Variants in TOX observed in about 807,000 individuals in gnomAD.
The protein encoded by TOX is thymocyte selection-associated high mobility group box protein TOX.
TOX carries 11 observed loss-of-function variants against 53.7 expected under a neutral mutation model. The observed-to-expected ratio is 0.20, with a 90% CI of 0.13 to 0.34. The LOEUF (loss-of-function observed/expected upper bound fraction) is 0.34, where lower values mean the gene tolerates loss of function less well. Among genes scored for constraint, TOX ranks in the 10% least tolerant of loss-of-function variants. The pLI, the probability that TOX is intolerant of heterozygous loss-of-function variation, is 1.00. For missense variants in TOX, 570 were observed against 664.6 expected (o/e 0.86, Z 1.56); for synonymous variants, 225 against 245.3 (o/e 0.92, Z 0.77).
intron 3 of TOX, among the ~76,000 whole-genome samples, chr8:58,902,836 G>A (rs1332577404): frequency 1.3e-5 from 2 of 152,074 alleles, no homozygotes; most frequent in Non-Finnish European, 2.9e-5. Context: ...TGAAAATCTA[G>A]CAATTTTTTT....
At position 59,110,939 on chromosome 8, in the gene TOX, T is replaced by C. The variant is rs184253925; in HGVS notation, c.102+7947A>G. Among the ~76,000 whole-genome samples the C allele has an allele frequency of 2.7e-3, 414 of 152,302 alleles. 2 individuals carry two copies. The highest frequency in any genetic ancestry group is 8.0e-3 in the Admixed American group (123 of 15,302). On this transcript the variant is annotated intron_variant, in intron 1 of 8. Coordinates refer to ENST00000361421, the MANE Select transcript of TOX (RefSeq NM_014729.3). ...AGAAATGGGCTGAGAATGCAGTATTTTGCTGAATTCTTTGAATTTTTGAAC... is the reference window on the plus strand; with the variant it reads ...AGAAATGGGCTGAGAATGCAGTATTCTGCTGAATTCTTTGAATTTTTGAAC...
intron 4 of TOX, among the ~76,000 whole-genome samples, chr8:58,844,056 T>C (rs1164707302): frequency 6.6e-6 from 1 of 152,186 alleles, no homozygotes; most frequent in Admixed American, 6.5e-5. Flanking sequence ...GACCTTAATT[T>C]TGGATATTGT....
At chr8:58,823,462 G>T (rs1810314080) in intron 6 of TOX, among the ~76,000 whole-genome samples, 1 of 152,140 alleles carries the variant, frequency 6.6e-6, no homozygotes, top group Admixed American at 6.6e-5. Context: ...GACCTCAAGT[G>T]ATCTGCCTGC....
At chr8:59,042,050 T>C (rs1410752204) in intron 1 of TOX, among the ~76,000 whole-genome samples, 1 of 152,190 alleles carries the variant, frequency 6.6e-6, no homozygotes, top group Admixed American at 6.5e-5. Flanking sequence ...TATAGCGTAC[T>C]CCCTTTAATT....
chr8:58,901,700 T>C (rs1295539784), intron 3 of TOX, among the ~76,000 whole-genome samples: 1 of 152,152 alleles, frequency 6.6e-6, no homozygotes, highest in African/African-American at 2.4e-5. Context: ...TAGAGTAAAA[T>C]GTCTTGAAAT....
At chr8:58,900,834 T>C (rs890976289) in intron 3 of TOX, among the ~76,000 whole-genome samples, 1 of 152,172 alleles carries the variant, frequency 6.6e-6, no homozygotes, top group African/African-American at 2.4e-5. Context: ...AAAGATCATG[T>C]ATAGTTGGTA....
chr8:58,870,459 T>C (rs1481715414), intron 3 of TOX, among the ~76,000 whole-genome samples: 2 of 152,186 alleles, frequency 1.3e-5, no homozygotes, highest in Admixed American at 1.3e-4. Context: ...AAGATGTCAG[T>C]TCTTAACTTA....
intron 1 of TOX, among the ~76,000 whole-genome samples, chr8:59,050,264 A>G (rs1307630785): frequency 1.3e-5 from 2 of 152,180 alleles, no homozygotes; most frequent in Admixed American, 6.5e-5. Context: ...AACAGCTCCA[A>G]GTTGACAAAG....
intron 1 of TOX, among the ~76,000 whole-genome samples, chr8:59,024,463 C>A (rs1467638706): frequency 2.0e-5 from 3 of 152,112 alleles, no homozygotes; most frequent in East Asian, 1.9e-4. Flanking sequence ...GAAAATGGCC[C>A]CAGGCCTTTA....
At chr8:59,029,956 G>A (rs969884451) in intron 1 of TOX, among the ~76,000 whole-genome samples, 2 of 152,034 alleles carry the variant, frequency 1.3e-5, no homozygotes, top group Non-Finnish European at 2.9e-5. Flanking sequence ...GCTTCACAGG[G>A]TTTCTCTCAT....
chr8:58,829,389 T>C (rs1208311173), intron 5 of TOX, among the ~76,000 whole-genome samples: 1 of 152,174 alleles, frequency 6.6e-6, no homozygotes, highest in African/African-American at 2.4e-5. Context: ...CTATTGGCTA[T>C]TGATGATTGG....
At chr8:58,999,741 A>C (rs926772847) in intron 1 of TOX, among the ~76,000 whole-genome samples, 22 of 152,258 alleles carry the variant, frequency 1.4e-4, no homozygotes, top group Admixed American at 1.4e-3. Flanking sequence ...AGGAAGAGGT[A>C]TGGGGAGCTA....
chr8:58,996,807 G>T (rs1486700121), intron 1 of TOX, among the ~76,000 whole-genome samples: 1 of 152,128 alleles, frequency 6.6e-6, no homozygotes, highest in African/African-American at 2.4e-5. Flanking sequence ...AGTTTCCTTT[G>T]AAAAGACCAT....
rs137974191 is a variant in TOX, at chr8:58,909,529, C to A, written c.411+29773G>T. On this transcript the variant is annotated intron_variant, in intron 3 of 8. Transcript: ENST00000361421. ...AAAAAAGTTAATTCTGTACCAGTAA[C>A]CTAGGCCTAACCTCCCACACCTGAT... Among the ~76,000 whole-genome samples, 152 of 152,232 alleles carry A rather than the reference C, an allele frequency of 1.0e-3. 2 individuals carry two copies. The East Asian group carries it at 0.025, about 25-fold the overall frequency.
intron 1 of TOX, among the ~76,000 whole-genome samples, chr8:59,064,832 A>T (rs1207475250): frequency 6.6e-6 from 1 of 152,170 alleles, no homozygotes; most frequent in Non-Finnish European, 1.5e-5. Flanking sequence ...AATGTATGTC[A>T]ATTTAGCATA....
At chr8:58,822,544 C>G (rs1275033502) in intron 6 of TOX, among the ~76,000 whole-genome samples, 1 of 152,148 alleles carries the variant, frequency 6.6e-6, no homozygotes, top group African/African-American at 2.4e-5. Flanking sequence ...AGCTGAGGTA[C>G]CCACCCAGCT....
At chr8:59,025,859 C>T (rs1331863154) in intron 1 of TOX, among the ~76,000 whole-genome samples, 2 of 152,156 alleles carry the variant, frequency 1.3e-5, no homozygotes. Context: ...GGGGACTCAT[C>T]AAGGACCAGG....
At chr8:58,876,172 G>A (rs1811280114) in intron 3 of TOX, among the ~76,000 whole-genome samples, 1 of 151,504 alleles carries the variant, frequency 6.6e-6, no homozygotes, top group African/African-American at 2.4e-5. Context: ...TTTTTTAAGA[G>A]AAGATTCTGA....
In TOX at chr8:59,060,629, AAAAC is replaced by A. The variant is rs200698883; in HGVS notation, c.102+58253_102+58256del. Among the ~76,000 whole-genome samples the A allele has an allele frequency of 4.0e-4, 61 of 152,320 alleles. 1 individual carries two copies. The highest frequency in any genetic ancestry group is 2.5e-3 in the South Asian group (12 of 4,820). On this transcript the variant is annotated intron_variant, in intron 1 of 8. Coordinates refer to ENST00000361421, the MANE Select transcript of TOX (RefSeq NM_014729.3). ...GTGACAGAGCGAGACTTCATCTCAA[AAAAC>A]AAACAAACAAACAAACAAACATTTT...
Sources: gnomAD v4.1 joint callset for allele counts (sites outside exome capture counted in the v4.1 genomes callset) on GRCh38, gnomAD v4.1.1 for gene constraint, MANE v1.5 for transcripts, NCBI Gene and HGNC (gene_info 2026-07-23, HGNC 2026-07-21) for gene names.